The following MCPH1 variants were observed in gnomAD, a reference collection of about 807,000 sequenced individuals.
MCPH1 encodes the protein microcephalin.
In MCPH1, 104 loss-of-function variants were observed where a neutral mutation model predicts 84.5. That is an observed-to-expected ratio of 1.23 (90% CI 1.05 to 1.45). The LOEUF (loss-of-function observed/expected upper bound fraction) is 1.45. Among genes scored for constraint, MCPH1 ranks in the 40% most tolerant of loss-of-function variants. The pLI, the probability that MCPH1 is intolerant of heterozygous loss-of-function variation, is 0.00. For synonymous variants in MCPH1, 514 were observed against 366.8 expected (o/e 1.40, Z -4.58); for missense variants, 1,498 against 1,005.7 (o/e 1.49, Z -6.62).
intron 12 of MCPH1, chr8:6,532,608 G>C: frequency 1.4e-6 from 1 of 702,170 alleles, no homozygotes; most frequent in East Asian, 3.2e-5. Context: ...CAAAAGACTT[G>C]TACCTTGCCT....
chr8:6,452,920 T>G (rs1375995398), intron 8 of MCPH1, among the ~76,000 whole-genome samples: 1 of 152,254 alleles, frequency 6.6e-6, no homozygotes, highest in African/African-American at 2.4e-5. Flanking sequence ...TGGAATTTCT[T>G]GGAGACATTC....
At position 6,621,541 on chromosome 8, in the gene MCPH1, A is replaced by C. The variant is rs1831415304; in HGVS notation, c.2302A>C (p.Ser768Arg). 1.2e-6 allele frequency: 2 copies of C among 1,614,086 alleles called. No homozygotes were observed. Among genetic ancestry groups the C allele is most frequent in the Non-Finnish European group, 1.7e-6 (2 of 1,180,034 alleles). Residue 768 changes from serine (S) to arginine (R), a missense_variant, in exon 13 of 14, where the codon AGC (serine) becomes CGC (arginine). By Grantham distance (110) the Ser-to-Arg change is moderately radical. Transcript: ENST00000344683. Reference sequence around the variant, plus strand: ...GCCAGCGATGTTTGTCTCGCCTGCCAGCAGCCCCCCAGTGGCCAAGCTCTG... The same window carrying C: ...GCCAGCGATGTTTGTCTCGCCTGCCCGCAGCCCCCCAGTGGCCAAGCTCTG... ...DQPAMFVSPA[S>R]SPPVAKLCEL... is the part of the protein sequence containing the mutation.
chr8:6,553,472 C>A (rs1335162687), intron 12 of MCPH1, among the ~76,000 whole-genome samples: 1 of 152,050 alleles, frequency 6.6e-6, no homozygotes, highest in South Asian at 2.1e-4. Context: ...GTAATTGCGT[C>A]GGCTTCACAC....
At chr8:6,470,337 G>A (rs556776735) in intron 9 of MCPH1, among the ~76,000 whole-genome samples, 15 of 151,708 alleles carry the variant, frequency 9.9e-5, no homozygotes, top group Non-Finnish European at 2.1e-4. Flanking sequence ...AGGCTGGAGT[G>A]CAGTGGCGCG....
chr8:6,569,355 C>T (rs908494208), intron 12 of MCPH1, among the ~76,000 whole-genome samples: 10 of 152,142 alleles, frequency 6.6e-5, no homozygotes, highest in African/African-American at 2.4e-4. Context: ...GATTTGAAGA[C>T]CCACAAATGC....
At chr8:6,624,662 T>C (rs1831870520) in intron 13 of MCPH1, among the ~76,000 whole-genome samples, 1 of 152,222 alleles carries the variant, frequency 6.6e-6, no homozygotes, top group Admixed American at 6.5e-5. Flanking sequence ...AACATTATCC[T>C]TTAATAGACA....
intron 1 of MCPH1, among the ~76,000 whole-genome samples, chr8:6,408,404 T>G (rs1798044616): frequency 1.3e-5 from 2 of 152,154 alleles, no homozygotes; most frequent in East Asian, 3.8e-4. Flanking sequence ...TATTTTTTTG[T>G]AGAGCCAGGG....
intron 13 of MCPH1, among the ~76,000 whole-genome samples, chr8:6,623,653 C>T (rs1831720912): frequency 8.4e-6 from 1 of 119,266 alleles, no homozygotes; most frequent in Non-Finnish European, 1.6e-5. Flanking sequence ...TACTCTGGTG[C>T]AGAGTAATTC....
intron 12 of MCPH1, among the ~76,000 whole-genome samples, chr8:6,574,776 G>A (rs1826934930): frequency 6.6e-6 from 1 of 152,120 alleles, no homozygotes; most frequent in Admixed American, 6.5e-5. Context: ...GAAAGTGAAG[G>A]AAGACCTGCA....
chr8:6,513,060 G>A (rs1815493838), intron 12 of MCPH1, among the ~76,000 whole-genome samples: 1 of 152,124 alleles, frequency 6.6e-6, no homozygotes, highest in Admixed American at 6.5e-5. Context: ...TATTATCATG[G>A]GAACACTTAC....
chr8:6,544,138 C>T (rs1444793973), intron 12 of MCPH1, among the ~76,000 whole-genome samples: 1 of 152,208 alleles, frequency 6.6e-6, no homozygotes, highest in Non-Finnish European at 1.5e-5. Context: ...TTATCTTCAT[C>T]TCTTGATCTG....
intron 12 of MCPH1, among the ~76,000 whole-genome samples, chr8:6,551,620 T>C (rs1407258170): frequency 6.6e-6 from 1 of 152,216 alleles, no homozygotes; most frequent in Non-Finnish European, 1.5e-5. Context: ...ATGTCACTGG[T>C]GCAGTTAAGT....
chr8:6,489,964 C>T (rs1274577908), intron 11 of MCPH1, among the ~76,000 whole-genome samples: 3 of 152,218 alleles, frequency 2.0e-5, no homozygotes, highest in African/African-American at 7.2e-5. Context: ...TGTTGCCACC[C>T]ATCCTTTTCC....
chr8:6,623,235 T>G (rs910112597), intron 13 of MCPH1, among the ~76,000 whole-genome samples: 1 of 152,044 alleles, frequency 6.6e-6, no homozygotes, highest in Non-Finnish European at 1.5e-5. Flanking sequence ...GGTTAAGACA[T>G]CGACATACGA....
intron 12 of MCPH1, among the ~76,000 whole-genome samples, chr8:6,534,376 G>C (rs1039334112): frequency 6.6e-6 from 1 of 152,108 alleles, no homozygotes; most frequent in Non-Finnish European, 1.5e-5. Flanking sequence ...CTGTTTTACG[G>C]AAGAGGCTTG....
At chr8:6,531,292 TC>T (rs1172636154) in intron 12 of MCPH1, among the ~76,000 whole-genome samples, 1 of 148,268 alleles carries the variant, frequency 6.7e-6, no homozygotes, top group Non-Finnish European at 1.5e-5. Context: ...TTTCTTTCTT[TC>T]TTTTTTTTTT....
intron 11 of MCPH1, among the ~76,000 whole-genome samples, chr8:6,484,971 CAG>C (rs1809692414): frequency 6.6e-6 from 1 of 152,210 alleles, no homozygotes; most frequent in Non-Finnish European, 1.5e-5. Flanking sequence ...TATTAAAACA[CAG>C]AGAACTGTAC....
chr8:6,579,901 G>A (rs1485187216), intron 12 of MCPH1, among the ~76,000 whole-genome samples: 1 of 152,148 alleles, frequency 6.6e-6, no homozygotes, highest in African/African-American at 2.4e-5. Flanking sequence ...CACAGAACTG[G>A]CCTGGCGAGG....
chr8:6,605,664 G>A (rs1829708845), intron 12 of MCPH1, among the ~76,000 whole-genome samples: 1 of 151,952 alleles, frequency 6.6e-6, no homozygotes, highest in Non-Finnish European at 1.5e-5. Flanking sequence ...ATCAAGTTTT[G>A]TTTTTAAGTT....
Sources: allele counts gnomAD v4.1 joint callset (sites outside exome capture counted in the v4.1 genomes callset), GRCh38; gene constraint gnomAD v4.1.1; transcripts MANE v1.5; gene names NCBI Gene and HGNC (gene_info 2026-07-23, HGNC 2026-07-21).